Variants in RPS6KA4 observed in about 807,000 individuals in gnomAD.
RPS6KA4 encodes ribosomal protein S6 kinase alpha-4.
RPS6KA4 carries 38 observed loss-of-function variants against 89.6 expected under a neutral mutation model. The ratio of observed to expected loss-of-function variants is 0.42; its 90% CI spans 0.33 to 0.56. RPS6KA4 has a LOEUF of 0.56. RPS6KA4 is among the 20% of genes least tolerant of loss of function. RPS6KA4 has a pLI of 0.07. For missense variants in RPS6KA4, 873 were observed against 1,098.8 expected (o/e 0.79, Z 2.90); for synonymous variants, 495 against 492.8 (o/e 1.00, Z -0.06).
chr11:64,359,549 C>T, intron 2 of RPS6KA4, 100 bp downstream of exon 2: 1 of 1,273,854 alleles, frequency 7.9e-7, no homozygotes, highest in Non-Finnish European at 1.1e-6. Flanking sequence ...AGCAGGCCCC[C>T]CACCCTTTCC....
chr11:64,371,388 C>T lies in RPS6KA4; in HGVS notation c.2227C>T (p.Arg743Trp), dbSNP rs375269254. Residue 743 changes from arginine (R) to tryptophan (W), a missense_variant, in exon 17 of 17, where the codon CGG becomes TGG. Arg to Trp is a moderately radical substitution (Grantham distance 101, BLOSUM62 -3). This residue lies in a region of RPS6KA4 where 278 missense variants were observed against 284.8 expected (regional missense o/e 0.98). Coordinates refer to ENST00000334205, the MANE Select transcript of RPS6KA4 (RefSeq NM_003942.3). ...GCTGCGGAGCGCCACCGCCTCCCGC[C>T]GGGGCTCCCCTGCACCAGCCAACCC... ...QKLRSATASR[R>W]GSPAPANPGR... 1.9e-6 allele frequency: 3 copies of T among 1,611,900 alleles called. No homozygotes were observed. The highest frequency in any genetic ancestry group is 1.1e-5 in the South Asian group (1 of 91,032).
rs975093329 is a variant in RPS6KA4, at chr11:64,369,017, C to T, written c.1428+220C>T. ...GACAAGAAAAGGGACTTTGGCCGGG[C>T]GCGATGGCTCACGCCTGTGATCCCA... is the stretch of plus-strand genomic sequence containing the variant. On this transcript the variant is annotated intron_variant, in intron 12 of 16. Transcript: ENST00000334205. 4.6e-5 allele frequency among the ~76,000 whole-genome samples: 7 copies of T among 151,766 alleles called. 1 individual carries two copies. Among genetic ancestry groups the T allele is most frequent in the South Asian group, 4.2e-4 (2 of 4,798 alleles).
In RPS6KA4 at chr11:64,365,595, C is replaced by T. The variant is rs143954292; in HGVS notation, c.1071+130C>T. On this transcript the variant is annotated intron_variant, in intron 9 of 16. Coordinates refer to ENST00000334205, the MANE Select transcript of RPS6KA4 (RefSeq NM_003942.3). ...GGGACTCAGCGTCTCCCCTAGACGT[C>T]GCCACTTCAGTGGGACCTAGGGTTG... 39 of 960,962 alleles carry T rather than the reference C, an allele frequency of 4.1e-5. No individual in the cohort carries two copies. The African/African-American group carries it at 4.3e-4, about 11-fold the overall frequency. 59.5% of individuals were successfully genotyped at this position (960,962 alleles called of 1,614,324 possible).
chr11:64,361,289 C>T lies in RPS6KA4; in HGVS notation c.570+48C>T, dbSNP rs748217636. 8 of 1,521,444 alleles carry T rather than the reference C, an allele frequency of 5.3e-6. No homozygotes were observed. Among genetic ancestry groups the T allele is most frequent in the Non-Finnish European group, 7.3e-6 (8 of 1,100,896 alleles). 94.2% of individuals were successfully genotyped at this position (1,521,444 alleles called of 1,614,324 possible). On this transcript the variant is annotated intron_variant, in intron 5 of 16. Coordinates refer to ENST00000334205, the MANE Select transcript of RPS6KA4 (RefSeq NM_003942.3). This position sits in a 1 kb window ranked among gnomAD's most constrained non-coding sequence, Gnocchi z 4.7. ...TGCAGTGCCCCATTCAATCCTTCTC[C>T]TTCCTGCCTCTTCCTGCTCTGGGCC...
chr11:64,359,918 G>T, intron 2 of RPS6KA4: 1 of 575,024 alleles, frequency 1.7e-6, no homozygotes, highest in South Asian at 2.2e-5. Context: ...CTCGCAGCAG[G>T]CCCCCTGGAG....
chr11:64,368,477 T>C lies in RPS6KA4; in HGVS notation c.1210T>C (p.Phe404Leu). ...ARSAMMQDSP[F>L]FQQYELDLRE... Reference sequence around the variant, plus strand: ...TCGCCTTCGCCTCCAGGACTCGCCCTTCTTCCAGCAGTACGAGCTGGACCT... The same window carrying C: ...TCGCCTTCGCCTCCAGGACTCGCCCCTCTTCCAGCAGTACGAGCTGGACCT... The change falls in exon 11 of 17, where the codon TTC becomes CTC. Residue 404 changes from phenylalanine (F) to leucine (L), a missense_variant. This residue lies in a region of RPS6KA4 where 542 missense variants were observed against 736.4 expected (regional missense o/e 0.74). Transcript: ENST00000334205. 1 of 1,553,192 alleles carries C rather than the reference T, an allele frequency of 6.4e-7. No individual in the cohort carries two copies.
Position 64,371,501 on chromosome 11 carries a change from T to TATGAGGGAAGGGGG in RPS6KA4, c.*21_*22insATGAGGGAAGGGGG. ...CCTAATCCCCACCACTGTGACCCCC[T>TATGAGGGAAGGGGG]TCCCTCATAGGGGCTGTGACCTGGG... On this transcript the variant is annotated 3_prime_UTR_variant, in exon 17 of 17. Coordinates refer to ENST00000334205, the MANE Select transcript of RPS6KA4 (RefSeq NM_003942.3). 2 of 847,086 alleles carry TATGAGGGAAGGGGG rather than the reference T, an allele frequency of 2.4e-6. No individual in the cohort carries two copies. The highest frequency in any genetic ancestry group is 1.7e-6 in the Non-Finnish European group (1 of 572,680). 52.5% of individuals were successfully genotyped at this position (847,086 alleles called of 1,614,324 possible).
intron 2 of RPS6KA4, 57 bp downstream of exon 2, chr11:64,359,506 C>T: frequency 1.3e-6 from 2 of 1,575,132 alleles, no homozygotes; most frequent in Non-Finnish European, 1.7e-6. Context: ...TGACCTCCTG[C>T]CTGCTCACTC....
At chr11:64,360,762 A>G in intron 4 of RPS6KA4, 170 bp downstream of exon 4, 1 of 629,708 alleles carries the variant, frequency 1.6e-6, no homozygotes. Flanking sequence ...GGAAGCCTCA[A>G]CGTTGCCTGG....
At chr11:64,368,084 C>T (rs748488057) in intron 9 of RPS6KA4, 48 bp from the exon 10 acceptor site, 9 of 1,601,682 alleles carry the variant, frequency 5.6e-6, no homozygotes, top group African/African-American at 2.7e-5. Context: ...CTCACCCGCA[C>T]CCCCAACCCC....
chr11:64,369,614 C>G lies in RPS6KA4; in HGVS notation c.1597C>G (p.Pro533Ala). The G allele has an allele frequency of 6.2e-7, 1 of 1,603,642 alleles. No homozygotes were observed. The highest frequency in any genetic ancestry group is 8.5e-7 in the Non-Finnish European group (1 of 1,175,312). ...GGGCGTGGTGCACCGCGACCTCAAG[C>G]CGGAGGTGGGCGAGCTGCCTCGGCG... ...EAGVVHRDLKPENILYADDTP... is the reference protein window; with the variant it reads ...EAGVVHRDLKAENILYADDTP... The change falls in exon 13 of 17, where the codon CCG becomes GCG. Residue 533 changes from proline (P) to alanine (A), a missense_variant. This residue lies in a region of RPS6KA4 where 542 missense variants were observed against 736.4 expected (regional missense o/e 0.74). Coordinates refer to ENST00000334205, the MANE Select transcript of RPS6KA4 (RefSeq NM_003942.3).
At chr11:64,368,852 T>TG in intron 12 of RPS6KA4, 55 bp downstream of exon 12, 1 of 987,264 alleles carries the variant, frequency 1.0e-6, no homozygotes, top group Non-Finnish European at 1.4e-6. Flanking sequence ...CGGCGGGGCT[T>TG]GGGGGCACTA....
chr11:64,368,495 C>T lies in RPS6KA4; in HGVS notation c.1228C>T (p.Leu410=), dbSNP rs1024940995. The change falls in exon 11 of 17, where the codon CTG becomes TTG. Residue 410 remains leucine (L), a synonymous_variant. Transcript: ENST00000334205. The part of the protein sequence containing the change: ...QDSPFFQQYE[L]DLREPALGQG... ...CTCGCCCTTCTTCCAGCAGTACGAG[C>T]TGGACCTGCGGGAGCCTGCGCTGGG... is the stretch of plus-strand genomic sequence containing the variant. The T allele has an allele frequency of 6.4e-7, 1 of 1,559,062 alleles. No homozygotes were observed. Among genetic ancestry groups the T allele is most frequent in the Admixed American group, 1.9e-5 (1 of 51,346 alleles).
At chr11:64,362,063 G>T in intron 8 of RPS6KA4, 61 bp downstream of exon 8, 1 of 1,546,644 alleles carries the variant, frequency 6.5e-7, no homozygotes, top group South Asian at 1.2e-5. Context: ...TGCTGTTCCA[G>T]GTTGAGGTTG....
rs199674030 is a variant in RPS6KA4 at position 64,368,547 on chromosome 11, G to A, written c.1280G>A (p.Arg427His). 2,502 of 1,592,078 alleles carry A rather than the reference G, an allele frequency of 1.6e-3. 4 individuals carry two copies. The highest frequency in any genetic ancestry group is 2.0e-3 in the Non-Finnish European group (2,382 of 1,171,948). Residue 427 changes from arginine to histidine, a missense_variant, in exon 11 of 17, where the codon CGC (arginine) becomes CAC (histidine). Physicochemically the swap from Arg to His is conservative, Grantham distance 29. Around this residue, in one of 4 missense-constraint regions of RPS6KA4, gnomAD observed 542 missense variants for 736.4 expected, o/e 0.74. Coordinates refer to ENST00000334205, the MANE Select transcript of RPS6KA4 (RefSeq NM_003942.3). ...CAGGGCAGCTTTTCTGTGTGTCGCC[G>A]CTGCCGCCAGCGCCAGAGCGGCCAG... is the stretch of plus-strand genomic sequence containing the variant. ...LGQGSFSVCR[R>H]CRQRQSGQEF... is the part of the protein sequence containing the mutation.
At chr11:64,360,000 C>A (rs569423201) in intron 2 of RPS6KA4, among the ~76,000 whole-genome samples, 163 bp from the exon 3 acceptor site, 1 of 152,298 alleles carries the variant, frequency 6.6e-6, no homozygotes, top group East Asian at 1.9e-4. Context: ...GGTGTGCACA[C>A]CCTTTCCTTA....
chr11:64,368,236 G>C lies in RPS6KA4; in HGVS notation c.1176G>C (p.Ala392=), dbSNP rs200128132. ...PGAGDRPGRA[A]VARSAMMQDS... is the part of the protein sequence containing the mutation. ...CTGGAGACCGGCCAGGTCGGGCAGC[G>C]GTGGCCAGGAGCGCTATGATGCAGG... The change falls in exon 10 of 17, where the codon GCG becomes GCC. Residue 392 remains alanine (A), a synonymous_variant. Coordinates refer to ENST00000334205, the MANE Select transcript of RPS6KA4 (RefSeq NM_003942.3). 79 of 1,613,386 alleles carry C rather than the reference G, an allele frequency of 4.9e-5. No individual in the cohort carries two copies. The highest frequency in any genetic ancestry group is 9.9e-5 in the South Asian group (9 of 91,082).
intron 8 of RPS6KA4, among the ~76,000 whole-genome samples, chr11:64,362,707 G>A (rs996180773): frequency 1.3e-5 from 2 of 152,174 alleles, no homozygotes; most frequent in Non-Finnish European, 2.9e-5. Flanking sequence ...GTTTCACTTT[G>A]TCTTCTGGGC....
At chr11:64,360,827 C>T (rs145583899) in intron 4 of RPS6KA4, among the ~76,000 whole-genome samples, 158 of 152,252 alleles carry the variant, frequency 1.0e-3, no homozygotes, top group African/African-American at 3.4e-3. Flanking sequence ...TCAGGGAACT[C>T]GGGGCTGCGT....
Sources: gnomAD v4.1 joint callset for allele counts (sites outside exome capture counted in the v4.1 genomes callset) on GRCh38, gnomAD v4.1.1 for gene constraint, gnomAD v4.1.1 regional missense constraint, Gnocchi (gnomAD v3.1) non-coding constraint, MANE v1.5 for transcripts, NCBI Gene and HGNC (gene_info 2026-07-23, HGNC 2026-07-21) for gene names.